The following GLRB variants were observed in gnomAD, a reference collection of about 807,000 sequenced individuals.
The protein encoded by GLRB is glycine receptor beta, also known as glycine receptor subunit beta.
Under a neutral mutation model 54.2 loss-of-function variants are expected in GLRB, and 33 were observed. The ratio of observed to expected loss-of-function variants is 0.61; its 90% CI spans 0.46 to 0.81. The LOEUF (loss-of-function observed/expected upper bound fraction) is 0.81, where lower values mean the gene tolerates loss of function less well. Ranked by LOEUF, GLRB falls within the 40% of genes least tolerant of loss-of-function variation. The probability of loss-of-function intolerance (pLI) is 0.00; values close to 1 mark genes in which losing one functional copy is unlikely to be tolerated. For missense variants in GLRB, 572 were observed against 584.6 expected (o/e 0.98, Z 0.22); for synonymous variants, 209 against 208.2 (o/e 1.00, Z -0.03).
Position 157,170,780 on chromosome 4 carries a change from C to G in GLRB, c.*52C>G. ...AAATTCCATTTCATTGTGACCTACTCCTTTCATAAATGCCAATCTGTGAGA... is the reference window on the plus strand; with the variant it reads ...AAATTCCATTTCATTGTGACCTACTGCTTTCATAAATGCCAATCTGTGAGA... On this transcript the variant is annotated 3_prime_UTR_variant, in exon 10 of 10. Transcript: ENST00000264428. 1 of 1,041,548 alleles carries G rather than the reference C, an allele frequency of 9.6e-7. No individual in the cohort carries two copies. The highest frequency in any genetic ancestry group is 1.4e-6 in the Non-Finnish European group (1 of 730,470). 64.5% of individuals were successfully genotyped at this position (1,041,548 alleles called of 1,614,324 possible).
chr4:157,086,089 C>G (rs1734401887), intron 2 of GLRB, among the ~76,000 whole-genome samples: 1 of 152,122 alleles, frequency 6.6e-6, no homozygotes, highest in Non-Finnish European at 1.5e-5. Flanking sequence ...GCCTTGTTCT[C>G]CCAAAGACTT....
intron 2 of GLRB, among the ~76,000 whole-genome samples, chr4:157,106,210 T>G (rs867456051): frequency 9.2e-5 from 14 of 152,252 alleles, no homozygotes; most frequent in Middle Eastern, 3.4e-3. Context: ...GCTCTTTGAA[T>G]GTATTATCCC....
At chr4:157,118,587 T>A (rs188111155) in intron 2 of GLRB, among the ~76,000 whole-genome samples, 152 of 151,716 alleles carry the variant, frequency 1.0e-3, no homozygotes, top group African/African-American at 3.4e-3. Flanking sequence ...AACTGATTGA[T>A]TTTCATCTTT....
intron 8 of GLRB, among the ~76,000 whole-genome samples, chr4:157,147,339 C>G (rs970125262): frequency 2.6e-5 from 4 of 152,068 alleles, no homozygotes; most frequent in African/African-American, 9.7e-5. Flanking sequence ...GTTCATGGAT[C>G]AATGACTTTT....
intron 2 of GLRB, among the ~76,000 whole-genome samples, chr4:157,101,925 T>C (rs1735046213): frequency 6.6e-6 from 1 of 152,092 alleles, no homozygotes; most frequent in Non-Finnish European, 1.5e-5. Flanking sequence ...CATTTCATCC[T>C]GGTACTATTC....
intron 9 of GLRB, among the ~76,000 whole-genome samples, chr4:157,156,583 G>A (rs946195797): frequency 6.6e-6 from 1 of 152,030 alleles, no homozygotes; most frequent in Non-Finnish European, 1.5e-5. Flanking sequence ...AATGTCTTCT[G>A]TTATCTGCCA....
chr4:157,083,799 G>A (rs1380566599), intron 2 of GLRB, among the ~76,000 whole-genome samples: 1 of 151,944 alleles, frequency 6.6e-6, no homozygotes, highest in East Asian at 1.9e-4. Context: ...TTATTTTTAA[G>A]GTTTGAAATT....
intron 3 of GLRB, 78 bp from the exon 4 acceptor site, chr4:157,122,252 G>T: frequency 1.6e-6 from 1 of 626,352 alleles, no homozygotes; most frequent in Non-Finnish European, 2.9e-6. Context: ...ATAATTAAAT[G>T]TGCAAACCAA....
intron 2 of GLRB, among the ~76,000 whole-genome samples, chr4:157,092,115 A>G (rs984576928): frequency 1.3e-4 from 20 of 152,194 alleles, no homozygotes; most frequent in Non-Finnish European, 2.4e-4. Flanking sequence ...TCTTTTTGGG[A>G]TAAGTGTCCT....
chr4:157,166,487 G>C (rs908336128), intron 9 of GLRB, among the ~76,000 whole-genome samples: 5 of 151,898 alleles, frequency 3.3e-5, no homozygotes, highest in Non-Finnish European at 7.4e-5. Context: ...TGATGAATGG[G>C]GCAAGGAGAC....
At chr4:157,139,910 GA>G (rs1024301610) in intron 7 of GLRB, among the ~76,000 whole-genome samples, 10 of 152,060 alleles carry the variant, frequency 6.6e-5, no homozygotes, top group Middle Eastern at 6.8e-3. Flanking sequence ...GAATGAGCTA[GA>G]ATGCTGTCCT....
At chr4:157,094,415 T>C (rs1204447798) in intron 2 of GLRB, among the ~76,000 whole-genome samples, 1 of 152,180 alleles carries the variant, frequency 6.6e-6, no homozygotes, top group Non-Finnish European at 1.5e-5. Flanking sequence ...TTCCATTATA[T>C]GAATCACTGC....
intron 4 of GLRB, among the ~76,000 whole-genome samples, chr4:157,133,579 C>A (rs11947138): frequency 0.034 from 5,215 of 151,836 alleles, 153 homozygotes; most frequent in African/African-American, 0.081. Flanking sequence ...ACAGCTTTAT[C>A]CTTGCTAACT....
chr4:157,130,797 C>A (rs1736186653), intron 4 of GLRB, among the ~76,000 whole-genome samples: 2 of 151,638 alleles, frequency 1.3e-5, no homozygotes, highest in East Asian at 1.9e-4. Context: ...TATAGAAATT[C>A]TGTGTTTAGC....
At chr4:157,160,979 A>G (rs557002272) in intron 9 of GLRB, among the ~76,000 whole-genome samples, 70 of 152,280 alleles carry the variant, frequency 4.6e-4, no homozygotes, top group Non-Finnish European at 8.4e-4. Flanking sequence ...GTCTCTTTGT[A>G]GGTCTCTAAA....
chr4:157,120,723 G>A, intron 3 of GLRB, 61 bp downstream of exon 3: 1 of 789,092 alleles, frequency 1.3e-6, no homozygotes, highest in South Asian at 1.4e-5. Context: ...TATATGTTTA[G>A]AGATTTGTGA....
chr4:157,086,967 G>T (rs962198911), intron 2 of GLRB, among the ~76,000 whole-genome samples: 14 of 152,016 alleles, frequency 9.2e-5, no homozygotes, highest in African/African-American at 3.4e-4. Context: ...AGTTCTTTAT[G>T]CAGTGATGTC....
chr4:157,168,172 A>G (rs1362928596), intron 9 of GLRB, among the ~76,000 whole-genome samples: 2 of 151,960 alleles, frequency 1.3e-5, no homozygotes, highest in Non-Finnish European at 2.9e-5. Context: ...GATAGGGACT[A>G]AAGCCTGTCC....
At position 157,103,420 on chromosome 4, in the gene GLRB, A is replaced by G. The variant is rs147654755; in HGVS notation, c.123-17136A>G. Among the ~76,000 whole-genome samples the G allele has an allele frequency of 3.3e-3, 504 of 152,326 alleles. 3 individuals are homozygous for G. The highest frequency in any genetic ancestry group is 4.9e-3 in the Non-Finnish European group (332 of 68,026). ...GCCAGTGCTTGTTTAGCTGCTAAAG[A>G]AAAGTTAAAATCTTATGGCAGTTAG... On this transcript the variant is annotated intron_variant, in intron 2 of 9. Transcript: ENST00000264428.
Sources: gnomAD v4.1 joint callset for allele counts (sites outside exome capture counted in the v4.1 genomes callset) on GRCh38, gnomAD v4.1.1 for gene constraint, MANE v1.5 for transcripts, NCBI Gene and HGNC (gene_info 2026-07-23, HGNC 2026-07-21) for gene names.